Variants in TENT5D observed in about 807,000 individuals in gnomAD.
TENT5D encodes terminal nucleotidyltransferase 5D.
For synonymous variants in TENT5D, 103 were observed against 100.6 expected, an observed-to-expected ratio of 1.02 and a Z score of -0.15; for missense variants, 191 against 287.0, an observed-to-expected ratio of 0.67 and a Z score of 2.42.
upstream of TENT5D, among the ~76,000 whole-genome samples, chrX:80,417,322 G>T (rs1374528045): frequency 9.0e-6 from 1 of 110,919 alleles, no homozygotes; most frequent in Non-Finnish European, 1.9e-5. Flanking sequence ...ATTGATATGT[G>T]CAGATTTCAT....
intron 1 of TENT5D, among the ~76,000 whole-genome samples, chrX:80,434,614 A>T (rs1932148599): frequency 9.0e-6 from 1 of 111,277 alleles, no homozygotes; most frequent in Non-Finnish European, 1.9e-5. Context: ...TTGTTTTGGT[A>T]TATGAACCTT....
intron 3 of TENT5D, among the ~76,000 whole-genome samples, chrX:80,375,992 A>G (rs1029266609): frequency 1.8e-5 from 2 of 111,096 alleles, no homozygotes; most frequent in African/African-American, 3.3e-5. Context: ...ATATATTTTT[A>G]TGTGTCTAGA....
chrX:80,370,229 C>T (rs1045732674), intron 3 of TENT5D, among the ~76,000 whole-genome samples: 7 of 111,052 alleles, frequency 6.3e-5, no homozygotes, highest in Non-Finnish European at 1.3e-4. Context: ...ATGTGAACCA[C>T]CATGCCTGGC....
chrX:80,348,869 A>G (rs1930118711), intron 3 of TENT5D, among the ~76,000 whole-genome samples: 1 of 112,023 alleles, frequency 8.9e-6, no homozygotes, highest in African/African-American at 3.2e-5. Context: ...TTTAACATGA[A>G]GGGGTGTTGA....
intron 1 of TENT5D, among the ~76,000 whole-genome samples, chrX:80,426,913 T>C (rs767227434): frequency 9.0e-6 from 1 of 111,383 alleles, no homozygotes; most frequent in Non-Finnish European, 1.9e-5. Flanking sequence ...TGGGGGCTGG[T>C]CTTTCCTGTG....
At chrX:80,339,856 AATAT>A (rs750677776) in intron 2 of TENT5D, among the ~76,000 whole-genome samples, 2 of 102,134 alleles carry the variant, frequency 2.0e-5, no homozygotes, top group Admixed American at 1.1e-4. Context: ...AGTTATCGGA[AATAT>A]ATATATATAT....
At chrX:80,339,622 A>T (rs1016338724) in intron 2 of TENT5D, among the ~76,000 whole-genome samples, 7 of 110,545 alleles carry the variant, frequency 6.3e-5, no homozygotes, top group Non-Finnish European at 1.3e-4. Flanking sequence ...AGTGGTGGTC[A>T]CAGGTGACCT....
At chrX:80,443,140 G>A (rs1198117082) in exon 3 of TENT5D, 1 of 1,209,291 alleles carries the variant, frequency 8.3e-7, no homozygotes, top group Non-Finnish European at 1.1e-6. Context: ...ATCCTATCCT[G>A]TTGTGGTAGC....
At chrX:80,431,414 T>G (rs1289030819) in intron 1 of TENT5D, among the ~76,000 whole-genome samples, 1 of 112,037 alleles carries the variant, frequency 8.9e-6, no homozygotes, top group Non-Finnish European at 1.9e-5. Context: ...AGGTAAAAAC[T>G]GACTCCAAAT....
intron 3 of TENT5D, among the ~76,000 whole-genome samples, chrX:80,405,732 C>T (rs1273872025): frequency 2.7e-5 from 3 of 112,485 alleles, no homozygotes; most frequent in Non-Finnish European, 5.6e-5. Flanking sequence ...CAGGGAAGCT[C>T]GAACTGGGTG....
At chrX:80,405,091 T>C (rs1192115385) in intron 3 of TENT5D, among the ~76,000 whole-genome samples, 1 of 111,280 alleles carries the variant, frequency 9.0e-6, no homozygotes, top group African/African-American at 3.3e-5. Context: ...GAACTGAAAA[T>C]GAGTTGAAGG....
chrX:80,369,945 G>A (rs993543556), intron 3 of TENT5D, among the ~76,000 whole-genome samples: 6 of 110,054 alleles, frequency 5.5e-5, no homozygotes, highest in East Asian at 2.8e-4. Flanking sequence ...TTAGAGAGAC[G>A]CTCTTGCTGT....
chrX:80,412,399 T>C (rs1931689387), intron 3 of TENT5D, among the ~76,000 whole-genome samples: 1 of 112,818 alleles, frequency 8.9e-6, no homozygotes, highest in African/African-American at 3.2e-5. Flanking sequence ...CCTTGCTACT[T>C]CTGAAAATTT....
At chrX:80,343,275 T>C (rs1929995308) in intron 3 of TENT5D, among the ~76,000 whole-genome samples, 1 of 111,832 alleles carries the variant, frequency 8.9e-6, no homozygotes. Flanking sequence ...GCAGTCACTG[T>C]GGCATCCCCT....
intron 3 of TENT5D, among the ~76,000 whole-genome samples, chrX:80,414,465 G>GC (rs1222062461): frequency 9.0e-6 from 1 of 111,705 alleles, no homozygotes; most frequent in Admixed American, 9.5e-5. Flanking sequence ...GGACGTGCCC[G>GC]CAACAGCCTC....
chrX:80,382,105 A>T (rs1485235650), intron 3 of TENT5D, among the ~76,000 whole-genome samples: 1 of 110,338 alleles, frequency 9.1e-6, no homozygotes, highest in Non-Finnish European at 1.9e-5. Flanking sequence ...TCTACCTTTG[A>T]TCTTTGATGA....
intron 3 of TENT5D, among the ~76,000 whole-genome samples, chrX:80,358,260 GAC>G (rs1167408482): frequency 9.0e-6 from 1 of 111,152 alleles, no homozygotes; most frequent in Non-Finnish European, 1.9e-5. Context: ...CATGGGCAAG[GAC>G]TTCATGTCTA....
At chrX:80,387,967 TCTC>T (rs1179766065) in intron 3 of TENT5D, among the ~76,000 whole-genome samples, 3 of 111,042 alleles carry the variant, frequency 2.7e-5, no homozygotes, top group Non-Finnish European at 5.7e-5. Context: ...CCCACTGTTC[TCTC>T]CTCTTTCTAC....
At chrX:80,389,367 G>A (rs145431519) in intron 3 of TENT5D, among the ~76,000 whole-genome samples, 3,381 of 112,118 alleles carry the variant, frequency 0.03, 57 homozygotes, top group Non-Finnish European at 0.045. Flanking sequence ...AAATATTAAC[G>A]TAGATTTGCT....
Sources: gnomAD v4.1 joint callset for allele counts (sites outside exome capture counted in the v4.1 genomes callset) on GRCh38, gnomAD v4.1.1 for gene constraint, MANE v1.5 for transcripts, NCBI Gene and HGNC (gene_info 2026-07-23, HGNC 2026-07-21) for gene names.